ZNF469: variants seen among roughly 807,000 people sequenced by gnomAD.
ZNF469 encodes the protein zinc finger protein 469.
In ZNF469, 1 loss-of-function variant was observed where a neutral mutation model predicts 1.0. That is an observed-to-expected ratio of 1.00 (90% confidence interval 0.35 to 4.73). ZNF469 has a LOEUF of 4.73. Among genes scored for constraint, ZNF469 ranks in the 30% most tolerant of loss-of-function variants. The pLI is 0.16. For synonymous variants in ZNF469, 2,703 were observed against 2,363.4 expected (o/e 1.14, Z -4.17); for missense variants, 6,100 against 5,356.3 (o/e 1.14, Z -4.33).
At chr16:88,385,531 T>C (rs988259554) in intron 1 of ZNF469, among the ~76,000 whole-genome samples, 1 of 151,668 alleles carries the variant, frequency 6.6e-6, no homozygotes, top group African/African-American at 2.4e-5. Flanking sequence ...TACTCTCAGC[T>C]ACTAGGGAGG....
chr16:88,421,805 G>A (rs1021299939), intron 1 of ZNF469, among the ~76,000 whole-genome samples: 3 of 152,214 alleles, frequency 2.0e-5, no homozygotes, highest in African/African-American at 7.2e-5. Context: ...TGTGACCTTG[G>A]ACCCGTCACA....
At chr16:88,274,209 A>C in the ZNF469 span, among the ~76,000 whole-genome samples, 1 of 152,176 alleles carries the variant, frequency 6.6e-6, no homozygotes, top group African/African-American at 2.4e-5. Flanking sequence ...AAAGACAAAA[A>C]CTGTCTAATA....
chr16:88,266,550 T>C, the ZNF469 span, among the ~76,000 whole-genome samples: 1 of 152,224 alleles, frequency 6.6e-6, no homozygotes, highest in Non-Finnish European at 1.5e-5. Flanking sequence ...GGATTGCATC[T>C]TGGGGCATAC....
At chr16:88,122,821 C>T in the ZNF469 span, among the ~76,000 whole-genome samples, 4 of 151,876 alleles carry the variant, frequency 2.6e-5, no homozygotes, top group African/African-American at 9.7e-5. Context: ...ATGCTTAACT[C>T]TGTGTATATA....
chr16:88,267,643 C>T, the ZNF469 span, among the ~76,000 whole-genome samples: 11 of 151,886 alleles, frequency 7.2e-5, no homozygotes, highest in Non-Finnish European at 1.6e-4. Flanking sequence ...CACACAGGGC[C>T]CCCAGGTGTG....
intron 1 of ZNF469, among the ~76,000 whole-genome samples, chr16:88,392,498 G>A (rs1401878775): frequency 6.6e-6 from 1 of 152,222 alleles, no homozygotes; most frequent in African/African-American, 2.4e-5. Context: ...CTTAAAATAG[G>A]GTCGGTGGGC....
At chr16:88,105,885 G>A in the ZNF469 span, among the ~76,000 whole-genome samples, 1 of 152,236 alleles carries the variant, frequency 6.6e-6, no homozygotes, top group Non-Finnish European at 1.5e-5. Context: ...CCACACCCAG[G>A]AAGCAAGCAC....
the ZNF469 span, among the ~76,000 whole-genome samples, chr16:88,131,205 C>T: frequency 6.6e-6 from 1 of 152,198 alleles, no homozygotes; most frequent in African/African-American, 2.4e-5. Flanking sequence ...TCGAGTAAGG[C>T]GCAGAATCAC....
the ZNF469 span, among the ~76,000 whole-genome samples, chr16:88,318,763 A>G: frequency 2.0e-5 from 3 of 152,216 alleles, 1 homozygote; most frequent in South Asian, 6.2e-4. Context: ...TCCCTTGGAA[A>G]GCATGCGAGG....
chr16:88,183,582 T>C, the ZNF469 span, among the ~76,000 whole-genome samples: 2 of 152,092 alleles, frequency 1.3e-5, no homozygotes, highest in African/African-American at 4.8e-5. Flanking sequence ...GACGCAAAGC[T>C]GTAGGACCGA....
At chr16:88,142,496 T>C in the ZNF469 span, among the ~76,000 whole-genome samples, 1 of 152,214 alleles carries the variant, frequency 6.6e-6, no homozygotes, top group Non-Finnish European at 1.5e-5. Flanking sequence ...CAGCCCAGTG[T>C]GAGCCTCAAG....
the ZNF469 span, among the ~76,000 whole-genome samples, chr16:88,312,332 T>C: frequency 2.4e-4 from 36 of 152,346 alleles, no homozygotes; most frequent in Non-Finnish European, 4.3e-4. Context: ...CATGTGGTTA[T>C]AGGTTGCTGG....
chr16:88,322,440 C>G, the ZNF469 span, among the ~76,000 whole-genome samples: 1 of 152,232 alleles, frequency 6.6e-6, no homozygotes, highest in African/African-American at 2.4e-5. Flanking sequence ...GTGTCCCGGC[C>G]GTGTTCATCC....
chr16:88,219,958 T>C, the ZNF469 span, among the ~76,000 whole-genome samples: 5 of 152,208 alleles, frequency 3.3e-5, no homozygotes, highest in African/African-American at 1.2e-4. Context: ...TTGCTCCCCT[T>C]CCTGGTTCTC....
chr16:88,287,864 G>A, the ZNF469 span, among the ~76,000 whole-genome samples: 2 of 152,154 alleles, frequency 1.3e-5, no homozygotes, highest in Admixed American at 6.5e-5. Flanking sequence ...CATAACTGAG[G>A]CTTACTGAGT....
At position 88,430,330 on chromosome 16, in the gene ZNF469, T is replaced by C; in HGVS notation, c.2860T>C (p.Phe954Leu). ...GAGGAGGGGGAAGCAGTTGAAGCTG[T>C]TCCGGAAGGATCTGGACTCGGGCGG... ...QQRRGKQLKL[F>L]RKDLDSGGAA... Residue 954 changes from phenylalanine (F) to leucine (L), a missense_variant, in exon 3 of 3, where the codon TTC becomes CTC. Physicochemically the swap from Phe to Leu is conservative, Grantham distance 22. Transcript: ENST00000565624. The C allele has an allele frequency of 6.6e-7, 1 of 1,514,882 alleles. No individual in the cohort carries two copies. Among genetic ancestry groups the C allele is most frequent in the Admixed American group, 2.1e-5 (1 of 48,394 alleles). The allele number at this position is 1,514,882 out of a possible 1,614,324, so 93.8% of individuals were successfully genotyped here.
intron 1 of ZNF469, among the ~76,000 whole-genome samples, chr16:88,399,653 G>C (rs1002634640): frequency 2.0e-5 from 3 of 152,228 alleles, no homozygotes; most frequent in African/African-American, 7.2e-5. Flanking sequence ...ATTTTCAATA[G>C]CAGAACACGC....
chr16:88,286,696 C>G, the ZNF469 span, among the ~76,000 whole-genome samples: 4 of 152,268 alleles, frequency 2.6e-5, no homozygotes, highest in Non-Finnish European at 1.5e-5. Context: ...CAATGACTGA[C>G]AGGTGAGCTG....
Position 88,436,188 on chromosome 16 carries a change from C to T in ZNF469, c.8718C>T (p.Ala2906=). The T allele has an allele frequency of 6.5e-7, 1 of 1,547,836 alleles. No individual in the cohort carries two copies. Among genetic ancestry groups the T allele is most frequent in the Non-Finnish European group, 8.7e-7 (1 of 1,146,910 alleles). The change falls in exon 3 of 3, where the codon GCC becomes GCT. Residue 2906 remains alanine (A), a synonymous_variant. Coordinates refer to ENST00000565624, the MANE Select transcript of ZNF469 (RefSeq NM_001367624.2). The stretch of plus-strand genomic sequence containing the variant: ...GCGGTGACCCCACGCTGGGCCCAGC[C>T]CGCCTGCCCACGGACCTCAGCGACT... The part of the protein sequence containing the change: ...EEGGDPTLGP[A]RLPTDLSDSS...
Sources: allele counts gnomAD v4.1 joint callset (sites outside exome capture counted in the v4.1 genomes callset), GRCh38; gene constraint gnomAD v4.1.1; transcripts MANE v1.5; gene names NCBI Gene and HGNC (gene_info 2026-07-23, HGNC 2026-07-21).